The following SGIP1 variants were observed in gnomAD, a reference collection of about 807,000 sequenced individuals.
SGIP1 encodes SH3GL interacting endocytic adaptor 1.
In SGIP1, 38 loss-of-function variants were observed where a neutral mutation model predicts 107.5. The ratio of observed to expected loss-of-function variants is 0.35; its 90% CI spans 0.27 to 0.46. The LOEUF (loss-of-function observed/expected upper bound fraction) is 0.46. Ranked by LOEUF, SGIP1 falls within the 20% of genes least tolerant of loss-of-function variation. The probability of loss-of-function intolerance (pLI) is 1.00; values close to 1 mark genes in which losing one functional copy is unlikely to be tolerated. For missense variants in SGIP1, 929 were observed against 1,019.5 expected, an observed-to-expected ratio of 0.91 and a Z score of 1.21; for synonymous variants, 365 against 366.1, an observed-to-expected ratio of 1.00 and a Z score of 0.03.
intron 4 of SGIP1, 89 bp downstream of exon 4, chr1:66,636,104 G>A: frequency 8.0e-7 from 1 of 1,255,502 alleles, no homozygotes; most frequent in Non-Finnish European, 1.1e-6. Context: ...AAACACAGTA[G>A]TTTTCATTTA....
Position 66,589,204 on chromosome 1 carries a change from A to ATGTGTGTGTGTGTGTG in SGIP1, c.11-36642_11-36641insGTGTGTGTGTGTGTGT, listed in dbSNP as rs1207408964. 1.0e-3 allele frequency among the ~76,000 whole-genome samples: 59 copies of ATGTGTGTGTGTGTGTG among 57,502 alleles called. 2 individuals are homozygous for ATGTGTGTGTGTGTGTG. Among genetic ancestry groups the ATGTGTGTGTGTGTGTG allele is most frequent in the South Asian group, 2.7e-3 (2 of 736 alleles). 37.7% of individuals were successfully genotyped at this position (57,502 alleles called of 152,430 possible). Reference sequence around the variant, plus strand: ...TATATATATATATATATATATATATATATATATATATATGTAAGGCTTGGG... The same window carrying ATGTGTGTGTGTGTGTG: ...TATATATATATATATATATATATATATGTGTGTGTGTGTGTGTATATATATATATGTAAGGCTTGGG... On this transcript the variant is annotated intron_variant, in intron 1 of 24. Coordinates refer to ENST00000371037, the MANE Select transcript of SGIP1 (RefSeq NM_032291.4).
chr1:66,675,503 G>A (rs953479841), intron 12 of SGIP1, among the ~76,000 whole-genome samples: 1 of 124,076 alleles, frequency 8.1e-6, no homozygotes, highest in Non-Finnish European at 1.7e-5. Flanking sequence ...TTTTCTTTCT[G>A]TCTTTCTTTT....
In SGIP1 at chr1:66,578,636, C is replaced by T. The variant is rs138295933; in HGVS notation, c.10+44268C>T. Among the ~76,000 whole-genome samples, 186 of 152,234 alleles carry T rather than the reference C, an allele frequency of 1.2e-3. 2 individuals carry two copies. Among genetic ancestry groups the T allele is most frequent in the South Asian group, 5.2e-3 (25 of 4,816 alleles). ...CCAGCTTCAAACAGTACATATCCTA[C>T]GCCCTTAATTGTACAAATGGACTCA... On this transcript the variant is annotated intron_variant, in intron 1 of 24. Coordinates refer to ENST00000371037, the MANE Select transcript of SGIP1 (RefSeq NM_032291.4).
intron 1 of SGIP1, among the ~76,000 whole-genome samples, chr1:66,595,438 T>C (rs1369251409): frequency 6.6e-6 from 1 of 152,246 alleles, no homozygotes; most frequent in African/African-American, 2.4e-5. Context: ...CATCAGTCCC[T>C]GCTTATAGCT....
intron 17 of SGIP1, among the ~76,000 whole-genome samples, chr1:66,692,160 CAAAA>C (rs10677616): frequency 4.1e-4 from 56 of 136,384 alleles, no homozygotes; most frequent in African/African-American, 1.5e-3. Context: ...GACTCCATCT[CAAAA>C]AAAAAAAAAA....
At chr1:66,741,479 G>C (rs756480971) in intron 24 of SGIP1, 43 bp downstream of exon 24, 17 of 1,519,894 alleles carry the variant, frequency 1.1e-5, no homozygotes, top group Non-Finnish European at 1.5e-5. Context: ...AAATAATGTT[G>C]CCTTGGCTAC....
chr1:66,654,161 C>T (rs1469694383), intron 7 of SGIP1, among the ~76,000 whole-genome samples: 2 of 152,130 alleles, frequency 1.3e-5, no homozygotes, highest in Non-Finnish European at 2.9e-5. Context: ...TGCTATAATG[C>T]AACTTACATT....
intron 1 of SGIP1, among the ~76,000 whole-genome samples, chr1:66,591,711 C>A (rs1285510541): frequency 6.6e-6 from 1 of 152,146 alleles, no homozygotes; most frequent in Non-Finnish European, 1.5e-5. Flanking sequence ...GGAGGACCAG[C>A]GCGGGCACTG....
At chr1:66,633,473 C>A (rs1023770134) in intron 3 of SGIP1, among the ~76,000 whole-genome samples, 1 of 152,106 alleles carries the variant, frequency 6.6e-6, no homozygotes, top group East Asian at 1.9e-4. Flanking sequence ...AAGCTGAGAT[C>A]CAAGAAAATT....
At chr1:66,630,388 A>C (rs912794591) in intron 2 of SGIP1, among the ~76,000 whole-genome samples, 2 of 152,152 alleles carry the variant, frequency 1.3e-5, no homozygotes, top group Non-Finnish European at 2.9e-5. Flanking sequence ...CTCTAAACAC[A>C]TCCTACCCAA....
chr1:66,571,515 G>A (rs191745275), intron 1 of SGIP1, among the ~76,000 whole-genome samples: 79 of 152,088 alleles, frequency 5.2e-4, no homozygotes, highest in African/African-American at 1.9e-3. Context: ...AATGACGTGA[G>A]GTGAGAGATT....
Position 66,682,309 on chromosome 1 carries a change from T to G in SGIP1, c.1255T>G (p.Tyr419Asp). 1 of 1,614,202 alleles carries G rather than the reference T, an allele frequency of 6.2e-7. No individual in the cohort carries two copies. Among genetic ancestry groups the G allele is most frequent in the Non-Finnish European group, 8.5e-7 (1 of 1,180,010 alleles). ...TCCACCTCCCCCACCACCACCCACC[T>G]ACAGGACTGTGGTTTCGTCCCCCGG... ...ATPPPPPPPT[Y>D]RTVVSSPGPG... Residue 419 changes from tyrosine (Y) to aspartate (D), a missense_variant, in exon 15 of 25, where the codon TAC (tyrosine) becomes GAC (aspartate). Tyr to Asp is a radical substitution (Grantham distance 160). Around this residue, in one of 2 missense-constraint regions of SGIP1, gnomAD observed 588 missense variants for 588.6 expected, o/e 1.00. Transcript: ENST00000371037.
chr1:66,733,972 T>C, intron 21 of SGIP1, 92 bp downstream of exon 21: 1 of 1,356,182 alleles, frequency 7.4e-7, no homozygotes, highest in Non-Finnish European at 9.8e-7. Flanking sequence ...AAAGTAACAC[T>C]TCTTTTAACA....
chr1:66,572,783 CAG>C (rs1424006275), intron 1 of SGIP1, among the ~76,000 whole-genome samples: 3 of 152,068 alleles, frequency 2.0e-5, no homozygotes, highest in East Asian at 3.9e-4. Context: ...GAGCCTACAA[CAG>C]AGAGAATAAA....
At position 66,682,217 on chromosome 1, in the gene SGIP1, T is replaced by A. The variant is rs1458246714; in HGVS notation, c.1163T>A (p.Phe388Tyr). The A allele has an allele frequency of 6.2e-7, 1 of 1,614,140 alleles. No individual in the cohort carries two copies. The highest frequency in any genetic ancestry group is 8.5e-7 in the Non-Finnish European group (1 of 1,180,048). The change falls in exon 15 of 25, where the codon TTC becomes TAC. Residue 388 changes from phenylalanine (F) to tyrosine (Y), a missense_variant. Coordinates refer to ENST00000371037, the MANE Select transcript of SGIP1 (RefSeq NM_032291.4). ...CAGAAGAAAGTCGCTGAGCAGACCTTCATTAAAGATGATTACTTAGAAACA... is the reference window on the plus strand; with the variant it reads ...CAGAAGAAAGTCGCTGAGCAGACCTACATTAAAGATGATTACTTAGAAACA... ...EVQKKVAEQT[F>Y]IKDDYLETIS... is the part of the protein sequence containing the mutation.
chr1:66,556,802 G>C (rs946754469), intron 1 of SGIP1, among the ~76,000 whole-genome samples: 7 of 151,988 alleles, frequency 4.6e-5, no homozygotes, highest in African/African-American at 1.7e-4. Context: ...ATCTCAAACT[G>C]TCCCCCCATT....
chr1:66,619,233 G>A (rs2149250901), intron 1 of SGIP1, among the ~76,000 whole-genome samples: 1 of 152,250 alleles, frequency 6.6e-6, no homozygotes, highest in Middle Eastern at 3.4e-3. Context: ...TGCACCTCAG[G>A]AACATGATCT....
intron 21 of SGIP1, among the ~76,000 whole-genome samples, chr1:66,736,339 C>T (rs1053061795): frequency 7.0e-5 from 10 of 142,350 alleles, no homozygotes; most frequent in South Asian, 2.1e-4. Flanking sequence ...GAATATAATA[C>T]GATATATTAT....
At chr1:66,678,041 A>G (rs1305719902) in intron 13 of SGIP1, among the ~76,000 whole-genome samples, 3 of 152,238 alleles carry the variant, frequency 2.0e-5, no homozygotes, top group Non-Finnish European at 4.4e-5. Context: ...TAGCCTTTCC[A>G]AAGATATTTC....
Sources: allele counts gnomAD v4.1 joint callset (sites outside exome capture counted in the v4.1 genomes callset), GRCh38; gene constraint gnomAD v4.1.1; regional missense constraint gnomAD v4.1.1; transcripts MANE v1.5; gene names NCBI Gene and HGNC (gene_info 2026-07-23, HGNC 2026-07-21).